PAAF1: variants seen among roughly 807,000 people sequenced by gnomAD.
PAAF1 encodes proteasomal ATPase-associated factor 1.
PAAF1 carries 46 observed loss-of-function variants against 52.8 expected under a neutral mutation model. The observed-to-expected ratio is 0.87, with a 90% CI of 0.69 to 1.11. The LOEUF is 1.11. PAAF1 is among the 50% of genes most tolerant of loss of function. The pLI is 0.00. For missense variants in PAAF1, 424 were observed against 477.4 expected, an observed-to-expected ratio of 0.89 and a Z score of 1.04; for synonymous variants, 178 against 172.8, an observed-to-expected ratio of 1.03 and a Z score of -0.24.
chr11:73,900,704 C>T (rs140949165), intron 6 of PAAF1, among the ~76,000 whole-genome samples: 21 of 152,162 alleles, frequency 1.4e-4, no homozygotes, highest in African/African-American at 3.6e-4. Context: ...GTTTTCTGGC[C>T]GGGCGCGGTG....
chr11:73,877,827 A>T (rs1948785737), intron 1 of PAAF1, among the ~76,000 whole-genome samples: 1 of 152,308 alleles, frequency 6.6e-6, no homozygotes, highest in Non-Finnish European at 1.5e-5. Flanking sequence ...TGGAGGTTGC[A>T]GTGAGCCGAG....
rs143347434 is a variant in PAAF1 at position 73,902,239 on chromosome 11, C to T, written c.532+1819C>T. Among the ~76,000 whole-genome samples, 120 of 152,282 alleles carry T rather than the reference C, an allele frequency of 7.9e-4. 1 individual carries two copies. The highest frequency in any genetic ancestry group is 2.7e-3 in the African/African-American group (112 of 41,560). On this transcript the variant is annotated intron_variant, in intron 6 of 11. Transcript: ENST00000310571. ...ATGTTTTAGCAAACACACACATTAA[C>T]CTAAGTACATAAATGGTTTACTTCC...
rs1950413271 is a variant in PAAF1 at position 73,928,631 on chromosome 11, G to A, written c.*1269G>A. 6.6e-6 allele frequency: 1 copy of A among 152,186 alleles called. No individual in the cohort carries two copies. The highest frequency in any genetic ancestry group is 2.1e-4 in the South Asian group (1 of 4,832). 9.4% of individuals were successfully genotyped at this position (152,186 alleles called of 1,614,324 possible). The stretch of plus-strand genomic sequence containing the variant: ...ATTAGAGAAAAGTTTCTTGAAAGAT[G>A]TAACACTTGAGCTGGGACATGCAGA... On this transcript the variant is annotated 3_prime_UTR_variant, in exon 12 of 12. Coordinates refer to ENST00000310571, the MANE Select transcript of PAAF1 (RefSeq NM_025155.3).
At chr11:73,921,894 T>G (rs1950229512) in intron 10 of PAAF1, 4 of 1,116,894 alleles carry the variant, frequency 3.6e-6, no homozygotes, top group Non-Finnish European at 5.4e-6. Context: ...AGTTAGTGAT[T>G]CCCAGTGTAT....
At chr11:73,922,205 C>T (rs543629268) in intron 10 of PAAF1, 15 of 789,124 alleles carry the variant, frequency 1.9e-5, no homozygotes, top group East Asian at 1.1e-4. Context: ...TGGTGGCGCC[C>T]GGGTTTCAAC....
At chr11:73,925,070 G>A (rs1489370499) in intron 11 of PAAF1, among the ~76,000 whole-genome samples, 3 of 150,246 alleles carry the variant, frequency 2.0e-5, no homozygotes, top group African/African-American at 7.4e-5. Flanking sequence ...CAGGAGAATC[G>A]CTTGAACCTG....
chr11:73,896,225 A>ATGTATATGTATAGCTATACC (rs1949350923), intron 4 of PAAF1, among the ~76,000 whole-genome samples: 1 of 149,784 alleles, frequency 6.7e-6, no homozygotes, highest in Non-Finnish European at 1.5e-5. Context: ...CTATACCTAT[A>ATGTATATGTATAGCTATACC]TATAGGTATA....
intron 6 of PAAF1, among the ~76,000 whole-genome samples, chr11:73,904,952 G>A (rs771410805): frequency 7.2e-5 from 11 of 152,126 alleles, no homozygotes; most frequent in Non-Finnish European, 1.5e-4. Flanking sequence ...TATTTGGTTT[G>A]ATATCTAAAG....
intron 3 of PAAF1, among the ~76,000 whole-genome samples, chr11:73,890,601 C>G (rs1235730687): frequency 1.3e-5 from 2 of 152,224 alleles, no homozygotes; most frequent in Non-Finnish European, 2.9e-5. Flanking sequence ...CCAATTTCAT[C>G]TGGTCATTGT....
At chr11:73,906,433 G>T (rs938666682) in intron 6 of PAAF1, among the ~76,000 whole-genome samples, 1 of 152,044 alleles carries the variant, frequency 6.6e-6, no homozygotes. Flanking sequence ...TTGTATTTTA[G>T]TAGAGACGGG....
chr11:73,914,856 C>T (rs997514873), intron 8 of PAAF1, among the ~76,000 whole-genome samples: 3 of 151,906 alleles, frequency 2.0e-5, no homozygotes, highest in African/African-American at 7.3e-5. Flanking sequence ...TACAAGCCCA[C>T]CACCATGCCT....
chr11:73,915,320 C>T (rs141902974), intron 8 of PAAF1, among the ~76,000 whole-genome samples: 9 of 152,316 alleles, frequency 5.9e-5, no homozygotes, highest in African/African-American at 1.7e-4. Flanking sequence ...AAAGAACTCA[C>T]GCCCACTGGG....
intron 7 of PAAF1, among the ~76,000 whole-genome samples, chr11:73,914,045 A>T (rs1277005200): frequency 6.6e-6 from 1 of 152,148 alleles, no homozygotes; most frequent in African/African-American, 2.4e-5. Flanking sequence ...TGGACAACAT[A>T]CTAGACTCTG....
chr11:73,920,382 T>C (rs1419982759), intron 10 of PAAF1, among the ~76,000 whole-genome samples: 1 of 151,724 alleles, frequency 6.6e-6, no homozygotes, highest in East Asian at 1.9e-4. Flanking sequence ...AAAATAAAAA[T>C]TAGCCAGGCA....
At chr11:73,893,738 C>CA (rs564348245) in intron 4 of PAAF1, among the ~76,000 whole-genome samples, 4,548 of 69,760 alleles carry the variant, frequency 0.065, 50 homozygotes, top group Non-Finnish European at 0.088. Flanking sequence ...ACTCTGTCTC[C>CA]AAAAAAAAAA....
In PAAF1 at chr11:73,927,298, A is replaced by T. The variant is rs1297054414; in HGVS notation, c.1115A>T (p.Glu372Val). Residue 372 changes from glutamate (E) to valine (V), a missense_variant, in exon 12 of 12, where the codon GAG becomes GTG. By Grantham distance (121) the Glu-to-Val change is moderately radical (BLOSUM62 -2). Transcript: ENST00000310571. ...CDPVYKVATWEKQIYTCCRDG... is the reference protein window; with the variant it reads ...CDPVYKVATWVKQIYTCCRDG... ...CTTGTGTTTTAGGTAGCCACATGGG[A>T]GAAGCAGATCTACACATGCTGTCGA... 5 of 1,592,772 alleles carry T rather than the reference A, an allele frequency of 3.1e-6. No homozygotes were observed. In the East Asian group the frequency reaches 1.1e-4, roughly 36 times the overall value.
intron 3 of PAAF1, 57 bp downstream of exon 3, chr11:73,887,514 C>T (rs1354338095): frequency 9.1e-7 from 1 of 1,100,450 alleles, no homozygotes; most frequent in East Asian, 2.5e-5. Context: ...AGTACCCAAA[C>T]ATCTACCTTA....
In PAAF1 at chr11:73,878,926, T is replaced by C. The variant is rs976575064; in HGVS notation, c.88+107T>C. On this transcript the variant is annotated intron_variant, in intron 2 of 11. Coordinates refer to ENST00000310571, the MANE Select transcript of PAAF1 (RefSeq NM_025155.3). ...GGCCCAGCCTCCTTACATAATAGTC[T>C]GCAAACATGCTTGACCAGTCTGTAC... The C allele has an allele frequency of 9.6e-6, 10 of 1,037,398 alleles. No individual in the cohort carries two copies. The African/African-American group carries it at 1.4e-4, about 15-fold the overall frequency. 64.3% of individuals were successfully genotyped at this position (1,037,398 alleles called of 1,614,324 possible).
chr11:73,880,247 A>G (rs1948855254), intron 2 of PAAF1: 1 of 152,128 alleles, frequency 6.6e-6, no homozygotes, highest in Non-Finnish European at 1.5e-5. Flanking sequence ...CCTGGACCAG[A>G]AAGTGAGACC....
Sources: allele counts gnomAD v4.1 joint callset (sites outside exome capture counted in the v4.1 genomes callset), GRCh38; gene constraint gnomAD v4.1.1; transcripts MANE v1.5; gene names NCBI Gene and HGNC (gene_info 2026-07-23, HGNC 2026-07-21).